CLIC6: variants seen among roughly 807,000 people sequenced by gnomAD.
CLIC6 encodes CLIC family member 6, also known as chloride intracellular channel protein 6.
A neutral mutation model predicts 49.2 loss-of-function variants in CLIC6; 39 were observed. The observed-to-expected ratio is 0.79, with a 90% CI of 0.61 to 1.04. CLIC6 has a LOEUF of 1.04. Ranked by LOEUF, CLIC6 falls within the 50% of genes least tolerant of loss-of-function variation. The probability of loss-of-function intolerance (pLI) is 0.00; values close to 1 mark genes in which losing one functional copy is unlikely to be tolerated. For missense variants in CLIC6, 988 were observed against 993.1 expected (o/e 0.99, Z 0.07); for synonymous variants, 446 against 433.4 (o/e 1.03, Z -0.36).
intron 5 of CLIC6, among the ~76,000 whole-genome samples, chr21:34,712,718 G>C (rs2056064612): frequency 6.6e-6 from 1 of 152,212 alleles, no homozygotes; most frequent in African/African-American, 2.4e-5. Context: ...GTGGCATTTT[G>C]CATTGTGACT....
intron 1 of CLIC6, among the ~76,000 whole-genome samples, chr21:34,698,620 T>A (rs971459745): frequency 3.9e-5 from 6 of 152,074 alleles, no homozygotes; most frequent in African/African-American, 1.4e-4. Flanking sequence ...GTTCTAGGCG[T>A]CGTATGTGTA....
intron 1 of CLIC6, among the ~76,000 whole-genome samples, chr21:34,682,485 A>G (rs76849950): frequency 0.016 from 2,399 of 152,108 alleles, 69 homozygotes; most frequent in African/African-American, 0.055. Flanking sequence ...GGCTGCTTAT[A>G]TTCTCTGCAT....
At position 34,670,575 on chromosome 21, in the gene CLIC6, G is replaced by T; in HGVS notation, c.1187G>T (p.Ser396Ile). Residue 396 changes from serine (S) to isoleucine (I), a missense_variant, in exon 1 of 6, where the codon AGC becomes ATC. Physicochemically the swap from Ser to Ile is moderately radical, Grantham distance 142. Around this residue, in one of 3 missense-constraint regions of CLIC6, gnomAD observed 647 missense variants for 596.9 expected, o/e 1.08. Transcript: ENST00000349499. ...AAGGEEESPD[S>I]SPHGEASRGA... The stretch of plus-strand genomic sequence containing the variant: ...GGGGGCGAAGAGGAATCCCCCGACA[G>T]CAGCCCACATGGGGAGGCCTCCAGG... 9.2e-6 allele frequency: 14 copies of T among 1,517,142 alleles called. No individual in the cohort carries two copies. The South Asian group carries it at 1.4e-4, about 15-fold the overall frequency. The allele number at this position is 1,517,142 out of a possible 1,614,324, so 94.0% of individuals were successfully genotyped here.
chr21:34,674,939 C>T (rs186587435), intron 1 of CLIC6, among the ~76,000 whole-genome samples: 101 of 152,172 alleles, frequency 6.6e-4, no homozygotes, highest in Non-Finnish European at 1.2e-3. Flanking sequence ...GGCTTTGGTT[C>T]CCCTAATCTG....
chr21:34,693,321 C>A (rs963182871), intron 1 of CLIC6, among the ~76,000 whole-genome samples: 1 of 152,178 alleles, frequency 6.6e-6, no homozygotes, highest in South Asian at 2.1e-4. Context: ...TTTAGTCCCC[C>A]ACTAGGGGCT....
intron 4 of CLIC6, among the ~76,000 whole-genome samples, chr21:34,709,074 A>G (rs1568970848): frequency 6.6e-6 from 1 of 152,238 alleles, no homozygotes; most frequent in Non-Finnish European, 1.5e-5. Flanking sequence ...ATCATGTTCA[A>G]TGATGTTTCT....
chr21:34,704,584 G>A (rs1418981831), intron 1 of CLIC6, among the ~76,000 whole-genome samples: 3 of 152,284 alleles, frequency 2.0e-5, no homozygotes, highest in Admixed American at 6.5e-5. Flanking sequence ...ACTTTCTTCC[G>A]TGTCTTAAGC....
At chr21:34,686,291 C>T (rs1389685803) in intron 1 of CLIC6, among the ~76,000 whole-genome samples, 1 of 152,112 alleles carries the variant, frequency 6.6e-6, no homozygotes, top group East Asian at 1.9e-4. Flanking sequence ...GTCTCAGCTA[C>T]TTGGGTGGCT....
chr21:34,670,481 C>T lies in CLIC6; in HGVS notation c.1093C>T (p.Gln365Ter). The change falls in exon 1 of 6, where the codon CAG (glutamine) becomes TAG (stop). Residue 365 changes from glutamine to a stop codon, truncating the protein, a stop_gained. Transcript: ENST00000349499. LOFTEE classifies it high-confidence loss of function. The stretch of plus-strand genomic sequence containing the variant: ...GGACAGGGTAGGGGATGGGCCACAG[C>T]AGGAGCCGGGGGAGGACGAAGAGAG... ...GEDRVGDGPQQEPGEDEERRE... is the reference protein window; with the variant it reads ...GEDRVGDGPQ 6.7e-7 allele frequency: 1 copy of T among 1,492,286 alleles called. No homozygotes were observed. The highest frequency in any genetic ancestry group is 2.5e-5 in the Admixed American group (1 of 40,660). The allele number at this position is 1,492,286 out of a possible 1,614,324, so 92.4% of individuals were successfully genotyped here.
rs138390529 is a variant in CLIC6 at position 34,681,232 on chromosome 21, C to T, written c.1374+10470C>T. 1.1e-4 allele frequency among the ~76,000 whole-genome samples: 17 copies of T among 152,298 alleles called. No homozygotes were observed. In the East Asian group the frequency reaches 2.1e-3, roughly 19 times the overall value. ...GGGAAGGAGAAGTGCTGAGTGAAGG[C>T]GGAAGCCATTTATAAAGCCATCAGA... On this transcript the variant is annotated intron_variant, in intron 1 of 5. Transcript: ENST00000349499.
chr21:34,701,259 G>A (rs913730431), intron 1 of CLIC6, among the ~76,000 whole-genome samples: 1 of 129,292 alleles, frequency 7.7e-6, no homozygotes, highest in Non-Finnish European at 1.5e-5. Flanking sequence ...CCGAGATTGC[G>A]CCACTGCAGT....
chr21:34,689,505 T>C (rs1238409505), intron 1 of CLIC6, among the ~76,000 whole-genome samples: 1 of 152,220 alleles, frequency 6.6e-6, no homozygotes, highest in Non-Finnish European at 1.5e-5. Context: ...TTGTTTATTA[T>C]TATGTCTTGC....
At position 34,707,471 on chromosome 21, in the gene CLIC6, CT is replaced by C; in HGVS notation, c.1484+83del. On this transcript the variant is annotated intron_variant, in intron 2 of 5. Coordinates refer to ENST00000349499, the MANE Select transcript of CLIC6 (RefSeq NM_053277.3). Reference sequence around the variant, plus strand: ...CACACACACACACACACACACACACCTGAGGCCAACGGTGCTGCATGGGCAC... The same window carrying C: ...CACACACACACACACACACACACACCGAGGCCAACGGTGCTGCATGGGCAC... The C allele has an allele frequency of 7.8e-6, 3 of 384,354 alleles. No homozygotes were observed. In the South Asian group the frequency reaches 1.4e-4, roughly 18 times the overall value. The allele number at this position is 384,354 out of a possible 1,614,324, so 23.8% of individuals were successfully genotyped here. A position where few individuals can be genotyped will look rare whatever the true frequency, so the allele number is the denominator to read the frequency against.
intron 1 of CLIC6, among the ~76,000 whole-genome samples, chr21:34,683,559 C>A (rs1568960029): frequency 6.6e-6 from 1 of 152,044 alleles, no homozygotes; most frequent in Non-Finnish European, 1.5e-5. Flanking sequence ...TGTCCCCACC[C>A]AAATCTCATC....
chr21:34,704,451 G>T (rs140973094), intron 1 of CLIC6, among the ~76,000 whole-genome samples: 1 of 152,192 alleles, frequency 6.6e-6, no homozygotes, highest in East Asian at 1.9e-4. Flanking sequence ...TGTAAATTCT[G>T]TTTTATTGGC....
intron 1 of CLIC6, among the ~76,000 whole-genome samples, chr21:34,701,076 G>A (rs113373241): frequency 0.017 from 2,436 of 139,480 alleles, 510 homozygotes; most frequent in African/African-American, 0.065. Context: ...GCCGAGGCGG[G>A]TGGATCATGA....
intron 5 of CLIC6, among the ~76,000 whole-genome samples, chr21:34,711,138 C>G (rs961928862): frequency 3.3e-5 from 5 of 152,302 alleles, no homozygotes; most frequent in African/African-American, 9.6e-5. Context: ...AGGGCCAGAG[C>G]CAGGTGGTTG....
At position 34,700,619 on chromosome 21, in the gene CLIC6, G is replaced by A. The variant is rs752539171; in HGVS notation, c.1375-6661G>A. Reference sequence around the variant, plus strand: ...TCACGTGCTTCCGCATTCCCATGGTGTTGAACTTCAAGCTGTCATGGGGAG... The same window carrying A: ...TCACGTGCTTCCGCATTCCCATGGTATTGAACTTCAAGCTGTCATGGGGAG... On this transcript the variant is annotated intron_variant, in intron 1 of 5. Transcript: ENST00000349499. 5.1e-4 allele frequency among the ~76,000 whole-genome samples: 71 copies of A among 140,176 alleles called. 11 individuals carry two copies. Among genetic ancestry groups the A allele is most frequent in the Non-Finnish European group, 1.1e-4 (7 of 64,696 alleles). 92.0% of individuals were successfully genotyped at this position (140,176 alleles called of 152,430 possible). A position where few individuals can be genotyped will look rare whatever the true frequency, so the allele number is the denominator to read the frequency against.
At chr21:34,684,353 G>C (rs1989836627) in intron 1 of CLIC6, among the ~76,000 whole-genome samples, 1 of 152,144 alleles carries the variant, frequency 6.6e-6, no homozygotes, top group South Asian at 2.1e-4. Flanking sequence ...TGGCAGGCTG[G>C]GCAGTGACAA....
Sources: gnomAD v4.1 joint callset for allele counts (sites outside exome capture counted in the v4.1 genomes callset) on GRCh38, gnomAD v4.1.1 for gene constraint, gnomAD v4.1.1 regional missense constraint, MANE v1.5 for transcripts, NCBI Gene and HGNC (gene_info 2026-07-23, HGNC 2026-07-21) for gene names.